The following DNAI2 variants were observed in gnomAD, a reference collection of about 807,000 sequenced individuals.
DNAI2 encodes dynein, axonemal, intermediate polypeptide 2.
Under a neutral mutation model 74.7 loss-of-function variants are expected in DNAI2, and 63 were observed. That is an observed-to-expected ratio of 0.84 (90% CI 0.69 to 1.04). The LOEUF (loss-of-function observed/expected upper bound fraction) is 1.04. Among genes scored for constraint, DNAI2 ranks in the 50% least tolerant of loss-of-function variants. The pLI is 0.00. For missense variants in DNAI2, 688 were observed against 803.2 expected, an observed-to-expected ratio of 0.86 and a Z score of 1.73; for synonymous variants, 289 against 314.9, an observed-to-expected ratio of 0.92 and a Z score of 0.87.
chr17:74,294,294 A>AT (rs1199711940), intron 6 of DNAI2, among the ~76,000 whole-genome samples: 2 of 121,572 alleles, frequency 1.6e-5, no homozygotes, highest in African/African-American at 2.9e-5. Context: ...TTCCCTTATC[A>AT]TTTCTTTTTT....
chr17:74,301,015 G>A (rs550115875), intron 7 of DNAI2, 31 bp from the exon 8 acceptor site: 33 of 1,612,758 alleles, frequency 2.0e-5, no homozygotes, highest in East Asian at 1.6e-4. Context: ...ACAGGGCCTC[G>A]AAGTCTCACT....
chr17:74,299,577 C>G (rs1197580061), intron 6 of DNAI2, 141 bp from the exon 7 acceptor site: 2 of 1,084,996 alleles, frequency 1.8e-6, no homozygotes, highest in African/African-American at 1.6e-5. Context: ...GAAACTCAGG[C>G]TGATTTGAAC....
chr17:74,311,939 G>A, intron 11 of DNAI2, 64 bp from the exon 12 acceptor site: 1 of 1,521,494 alleles, frequency 6.6e-7, no homozygotes, highest in Non-Finnish European at 9.0e-7. Context: ...CCTGGCCCCA[G>A]CACTGGAGTC....
At position 74,296,380 on chromosome 17, in the gene DNAI2, G is replaced by GGA. The variant is rs61153755; in HGVS notation, c.725-3319_725-3318dup. Among the ~76,000 whole-genome samples the GGA allele has an allele frequency of 7.3e-4, 100 of 137,036 alleles. 1 individual carries two copies. The highest frequency in any genetic ancestry group is 3.6e-3 in the East Asian group (17 of 4,676). 89.9% of individuals were successfully genotyped at this position (137,036 alleles called of 152,430 possible). ...GAGGAAGGGGGAAGGAGGGAGGGAG[G>GGA]GAGAGAGAGAGAGAGAGAGAAAGAA... is the stretch of plus-strand genomic sequence containing the variant. On this transcript the variant is annotated intron_variant, in intron 6 of 13. Coordinates refer to ENST00000311014, the MANE Select transcript of DNAI2 (RefSeq NM_023036.6).
Position 74,309,980 on chromosome 17 carries a change from C to A in DNAI2, c.1348-37C>A, listed in dbSNP as rs752311201. ...ATCAGACACACATAACTTTGCTCCT[C>A]TCTCCTCTACCTGGGTCTGCCCGGC... On this transcript the variant is annotated intron_variant, in intron 10 of 13. Transcript: ENST00000311014. 4 of 1,474,510 alleles carry A rather than the reference C, an allele frequency of 2.7e-6. No individual in the cohort carries two copies. The South Asian group carries it at 4.6e-5, about 17-fold the overall frequency. 91.3% of individuals were successfully genotyped at this position (1,474,510 alleles called of 1,614,324 possible).
intron 1 of DNAI2, among the ~76,000 whole-genome samples, chr17:74,275,125 T>C (rs112938258): frequency 1.3e-5 from 2 of 151,836 alleles, no homozygotes; most frequent in African/African-American, 4.8e-5. Context: ...GTGACAGGAG[T>C]CTTGGGCCCC....
rs150208047 is a variant in DNAI2, at chr17:74,292,165, G to A, written c.724+1032G>A. ...CTGGCGTGAGCCACCATGCCTGGCCGCTATTAATTCTTGAAATGTTTGGTA... is the reference window on the plus strand; with the variant it reads ...CTGGCGTGAGCCACCATGCCTGGCCACTATTAATTCTTGAAATGTTTGGTA... On this transcript the variant is annotated intron_variant, in intron 6 of 13. Transcript: ENST00000311014. 4.1e-3 allele frequency among the ~76,000 whole-genome samples: 630 copies of A among 152,160 alleles called. 5 individuals carry two copies. The highest frequency in any genetic ancestry group is 0.014 in the African/African-American group (601 of 41,546).
intron 4 of DNAI2, 21 bp from the exon 5 acceptor site, chr17:74,289,573 T>C: frequency 2.5e-6 from 4 of 1,610,842 alleles, no homozygotes; most frequent in Non-Finnish European, 3.4e-6. Flanking sequence ...AGCCTTCTGC[T>C]CTCTTCCCTC....
chr17:74,312,746 G>T (rs1160920571), intron 12 of DNAI2, among the ~76,000 whole-genome samples: 49 of 152,210 alleles, frequency 3.2e-4, no homozygotes, highest in Non-Finnish European at 1.3e-4. Context: ...ACCTGAGCTG[G>T]TCGCTTCACT....
chr17:74,297,131 G>T (rs2052491651), intron 6 of DNAI2, among the ~76,000 whole-genome samples: 1 of 152,154 alleles, frequency 6.6e-6, no homozygotes, highest in Non-Finnish European at 1.5e-5. Flanking sequence ...TGTCACCTAG[G>T]CTGGAGTGCA....
Position 74,302,517 on chromosome 17 carries a change from A to T in DNAI2, c.987+1349A>T, listed in dbSNP as rs148518996. Among the ~76,000 whole-genome samples, 571 of 152,282 alleles carry T rather than the reference A, an allele frequency of 3.7e-3. 3 individuals are homozygous for T. Among genetic ancestry groups the T allele is most frequent in the East Asian group, 0.014 (73 of 5,178 alleles). ...GGGAGGCGGGGGTTGCGGTGAGCCA[A>T]GATCGCATCATTGCACTCCAGCCTG... On this transcript the variant is annotated intron_variant, in intron 8 of 13. Coordinates refer to ENST00000311014, the MANE Select transcript of DNAI2 (RefSeq NM_023036.6).
chr17:74,296,235 G>A (rs2052413376), intron 6 of DNAI2, among the ~76,000 whole-genome samples: 1 of 151,790 alleles, frequency 6.6e-6, no homozygotes, highest in Non-Finnish European at 1.5e-5. Context: ...AACACTTTGA[G>A]AAGCTGAGGC....
rs753728960 is a variant in DNAI2, at chr17:74,291,122, A to G, written c.713A>G (p.Asn238Ser). 4 of 1,612,264 alleles carry G rather than the reference A, an allele frequency of 2.5e-6. No homozygotes were observed. The Middle Eastern group carries it at 5.0e-4, about 200-fold the overall frequency. ...CACGTACTCCTGGGTGGCTGCTACA[A>G]TGGACAGATAGGTAAGGAGGGACCT... ...DSHVLLGGCY[N>S]GQIACWDTRK... Residue 238 changes from asparagine (N) to serine (S), a missense_variant, in exon 6 of 14, where the codon AAT becomes AGT. Asn to Ser is a conservative substitution (Grantham distance 46). Transcript: ENST00000311014.
At position 74,312,152 on chromosome 17, in the gene DNAI2, C is replaced by A. The variant is rs9908476; in HGVS notation, c.1644C>A (p.Ala548=). 0.032 allele frequency: 51,747 copies of A among 1,612,522 alleles called. 954 individuals are homozygous for A. Among genetic ancestry groups the A allele is most frequent in the African/African-American group, 0.057 (4,295 of 74,786 alleles). Residue 548 remains alanine (A), a synonymous_variant, in exon 12 of 14, where the codon GCC becomes GCA. Transcript: ENST00000311014. ...ACCTGGAGGCGCTGGTCAGCAAGGC[C>A]GAGGAGGAGTTCTTCGACATCATCT... is the stretch of plus-strand genomic sequence containing the variant. ...AVDLEALVSK[A]EEEFFDIIFA...
chr17:74,309,641 A>G (rs2053398583), intron 10 of DNAI2: 5 of 699,874 alleles, frequency 7.1e-6, no homozygotes, highest in Non-Finnish European at 1.3e-5. Flanking sequence ...AAAAAGAAAC[A>G]AAAGCAGGTA....
At position 74,289,714 on chromosome 17, in the gene DNAI2, C is replaced by G. The variant is rs1359353945; in HGVS notation, c.588C>G (p.Ser196Arg). The change falls in exon 5 of 14, where the codon AGC becomes AGG. Residue 196 changes from serine to arginine, a missense_variant. Coordinates refer to ENST00000311014, the MANE Select transcript of DNAI2 (RefSeq NM_023036.6). Reference sequence around the variant, plus strand: ...AGCGGGCACCTGTGGGCATGAGCAGCGATTCATACATCTGGGACCTGGGTG... The same window carrying G: ...AGCGGGCACCTGTGGGCATGAGCAGGGATTCATACATCTGGGACCTGGGTG... Reference protein sequence around the residue: ...DFQRAPVGMSSDSYIWDLENP... With the variant: ...DFQRAPVGMSRDSYIWDLENP... The G allele has an allele frequency of 1.9e-6, 3 of 1,613,802 alleles. No individual in the cohort carries two copies. The highest frequency in any genetic ancestry group is 2.5e-6 in the Non-Finnish European group (3 of 1,179,988).
intron 2 of DNAI2, among the ~76,000 whole-genome samples, chr17:74,284,445 C>T (rs2051580200): frequency 6.6e-6 from 1 of 152,214 alleles, no homozygotes; most frequent in Admixed American, 6.5e-5. Flanking sequence ...CGGAGTCTCG[C>T]TCTGTCGCCC....
rs1015640187 is a variant in DNAI2, at chr17:74,302,251, C to A, written c.987+1083C>A. ...TTCAAGACCAGCCTGGACAACATAGCAAGACACTGTCCCTACATAAGAAAA... is the reference window on the plus strand; with the variant it reads ...TTCAAGACCAGCCTGGACAACATAGAAAGACACTGTCCCTACATAAGAAAA... On this transcript the variant is annotated intron_variant, in intron 8 of 13. Coordinates refer to ENST00000311014, the MANE Select transcript of DNAI2 (RefSeq NM_023036.6). Among the ~76,000 whole-genome samples, 7 of 151,098 alleles carry A rather than the reference C, an allele frequency of 4.6e-5. No homozygotes were observed. The East Asian group carries it at 5.9e-4, about 13-fold the overall frequency.
intron 6 of DNAI2, among the ~76,000 whole-genome samples, chr17:74,294,722 G>A (rs572658020): frequency 5.2e-4 from 79 of 152,174 alleles, no homozygotes; most frequent in African/African-American, 1.8e-3. Flanking sequence ...TTCTAGGTAT[G>A]GATATCTTTG....
Sources: allele counts gnomAD v4.1 joint callset (sites outside exome capture counted in the v4.1 genomes callset), GRCh38; gene constraint gnomAD v4.1.1; transcripts MANE v1.5; gene names NCBI Gene and HGNC (gene_info 2026-07-23, HGNC 2026-07-21).